MARCHF1: variants seen among roughly 807,000 people sequenced by gnomAD.
MARCHF1 encodes the protein membrane associated ring-CH-type finger 1.
MARCHF1 carries 40 observed loss-of-function variants against 54.2 expected under a neutral mutation model. The observed-to-expected ratio is 0.74, with a 90% CI of 0.57 to 0.96. The LOEUF (loss-of-function observed/expected upper bound fraction) is 0.96, where lower values mean the gene tolerates loss of function less well. Among genes scored for constraint, MARCHF1 ranks in the 40% least tolerant of loss-of-function variants. The pLI is 0.00. For missense variants in MARCHF1, 586 were observed against 656.5 expected (o/e 0.89, Z 1.17); for synonymous variants, 236 against 236.3 (o/e 1.00, Z 0.01).
intron 1 of MARCHF1, among the ~76,000 whole-genome samples, chr4:164,301,128 G>A (rs962419263): frequency 4.6e-5 from 7 of 152,036 alleles, no homozygotes; most frequent in Non-Finnish European, 8.8e-5. Flanking sequence ...TATTTAATAT[G>A]GTGAAAACGA....
At chr4:164,054,453 C>T (rs1233132252) in intron 2 of MARCHF1, among the ~76,000 whole-genome samples, 1 of 151,972 alleles carries the variant, frequency 6.6e-6, no homozygotes, top group African/African-American at 2.4e-5. Flanking sequence ...ATAAATCATG[C>T]TGCTATAAAG....
intron 3 of MARCHF1, among the ~76,000 whole-genome samples, chr4:163,937,435 C>A (rs4538436): frequency 3.9e-4 from 59 of 151,888 alleles, no homozygotes; most frequent in Admixed American, 2.4e-3. Flanking sequence ...GAACTCAAAT[C>A]TTTACTCCTA....
chr4:164,242,321 CT>C (rs1156232136), intron 1 of MARCHF1, among the ~76,000 whole-genome samples: 3 of 146,672 alleles, frequency 2.0e-5, no homozygotes, highest in South Asian at 2.3e-4. Flanking sequence ...TCCCTGACCC[CT>C]GACCCCCGAG....
chr4:164,064,920 G>T (rs1446558825), intron 2 of MARCHF1, among the ~76,000 whole-genome samples: 1 of 152,100 alleles, frequency 6.6e-6, no homozygotes, highest in African/African-American at 2.4e-5. Context: ...TGTGGTTTTT[G>T]TCTTTAGTTC....
chr4:164,176,038 A>T (rs549846103), intron 1 of MARCHF1, among the ~76,000 whole-genome samples: 1 of 152,240 alleles, frequency 6.6e-6, no homozygotes, highest in South Asian at 2.1e-4. Flanking sequence ...ATATGGGGAT[A>T]AAAATGATTT....
chr4:163,629,261 CA>C (rs1425546242), intron 5 of MARCHF1, among the ~76,000 whole-genome samples: 1 of 152,146 alleles, frequency 6.6e-6, no homozygotes, highest in Non-Finnish European at 1.5e-5. Context: ...CACACATCTA[CA>C]ACCATCTGAT....
chr4:163,945,357 G>C (rs4604018), intron 3 of MARCHF1, among the ~76,000 whole-genome samples: 4 of 152,298 alleles, frequency 2.6e-5, no homozygotes, highest in Non-Finnish European at 4.4e-5. Flanking sequence ...CTGCTGTCCT[G>C]TGAGATATTT....
intron 3 of MARCHF1, among the ~76,000 whole-genome samples, chr4:163,983,965 T>A (rs201895994): frequency 8.0e-5 from 3 of 37,438 alleles, no homozygotes; most frequent in African/African-American, 1.5e-4. Context: ...TTACTAAAAA[T>A]TTTTTTTTAG....
intron 7 of MARCHF1, among the ~76,000 whole-genome samples, chr4:163,591,190 A>G (rs1740581409): frequency 6.6e-6 from 1 of 151,966 alleles, no homozygotes; most frequent in African/African-American, 2.4e-5. Context: ...ATTAAAATTA[A>G]TGGTCAGATG....
chr4:163,941,468 T>C (rs914211786), intron 3 of MARCHF1, among the ~76,000 whole-genome samples: 2 of 152,112 alleles, frequency 1.3e-5, no homozygotes, highest in African/African-American at 2.4e-5. Context: ...TAGAATTAGT[T>C]AGGTAGGTTA....
chr4:163,916,205 C>A (rs969575516), intron 3 of MARCHF1, among the ~76,000 whole-genome samples: 3 of 152,160 alleles, frequency 2.0e-5, no homozygotes, highest in Admixed American at 6.6e-5. Flanking sequence ...AGGCAAAAAG[C>A]AACAATCACC....
At chr4:164,017,743 A>G (rs1487804163) in intron 2 of MARCHF1, among the ~76,000 whole-genome samples, 1 of 151,720 alleles carries the variant, frequency 6.6e-6, no homozygotes, top group Non-Finnish European at 1.5e-5. Flanking sequence ...TTATAGATTC[A>G]ATGCAGTAAC....
chr4:164,189,084 C>A, intron 1 of MARCHF1: 1 of 688,788 alleles, frequency 1.5e-6, no homozygotes, highest in East Asian at 2.5e-5. Context: ...CTCCTCTCAC[C>A]ATTGACAATG....
intron 2 of MARCHF1, among the ~76,000 whole-genome samples, chr4:164,001,725 G>A (rs1379036538): frequency 6.6e-6 from 1 of 151,764 alleles, no homozygotes; most frequent in Non-Finnish European, 1.5e-5. Context: ...AAAGATGAAG[G>A]TGGAGAGTAA....
chr4:163,736,544 T>A (rs1579242217), intron 4 of MARCHF1, among the ~76,000 whole-genome samples: 1 of 22,978 alleles, frequency 4.4e-5, no homozygotes. Context: ...CAGATAAGGG[T>A]TGGGTGGGGG....
chr4:164,032,067 A>T (rs1753888675), intron 2 of MARCHF1, among the ~76,000 whole-genome samples: 1 of 151,836 alleles, frequency 6.6e-6, no homozygotes, highest in South Asian at 2.1e-4. Flanking sequence ...TTGGGAGGGG[A>T]TATGTGTCCA....
At chr4:163,701,106 A>G (rs1269812010) in intron 4 of MARCHF1, among the ~76,000 whole-genome samples, 1 of 152,182 alleles carries the variant, frequency 6.6e-6, no homozygotes, top group African/African-American at 2.4e-5. Flanking sequence ...ATCAGGTTAC[A>G]AGTATTTGTT....
At chr4:163,856,159 T>TGA (rs1749762806) in intron 3 of MARCHF1, among the ~76,000 whole-genome samples, 1 of 152,126 alleles carries the variant, frequency 6.6e-6, no homozygotes, top group South Asian at 2.1e-4. Context: ...TGTCAACAAA[T>TGA]CATCATGAAA....
At chr4:163,906,647 G>A (rs574387752) in intron 3 of MARCHF1, among the ~76,000 whole-genome samples, 36 of 151,578 alleles carry the variant, frequency 2.4e-4, no homozygotes, top group African/African-American at 8.7e-4. Flanking sequence ...GCATCTTTTT[G>A]CATTTTAGTT....
Sources: gnomAD v4.1 joint callset for allele counts (sites outside exome capture counted in the v4.1 genomes callset) on GRCh38, gnomAD v4.1.1 for gene constraint, MANE v1.5 for transcripts, NCBI Gene and HGNC (gene_info 2026-07-23, HGNC 2026-07-21) for gene names.